Variants in CTIF observed in about 807,000 individuals in gnomAD.
CTIF encodes the protein CBP80/20-dependent translation initiation factor.
In CTIF, 21 loss-of-function variants were observed where a neutral mutation model predicts 66.0. The ratio of observed to expected loss-of-function variants is 0.32; its 90% confidence interval spans 0.23 to 0.46. The LOEUF (loss-of-function observed/expected upper bound fraction) is 0.46, where lower values mean the gene tolerates loss of function less well. CTIF is among the 20% of genes least tolerant of loss of function. The pLI, the probability that CTIF is intolerant of heterozygous loss-of-function variation, is 1.00. For synonymous variants in CTIF, 345 were observed against 326.4 expected (o/e 1.06, Z -0.62); for missense variants, 739 against 812.7 (o/e 0.91, Z 1.10).
chr18:48,580,794 G>C (rs1048105829), intron 1 of CTIF, among the ~76,000 whole-genome samples: 1 of 152,196 alleles, frequency 6.6e-6, no homozygotes, highest in Non-Finnish European at 1.5e-5. Context: ...CCGCCCTGCA[G>C]CTTGGTTTCC....
In CTIF at chr18:48,859,991, G is replaced by T. The variant is rs141179242; in HGVS notation, c.*432G>T. Reference sequence around the variant, plus strand: ...AAGGCTGAAAAAGTGGGTCGGAGACGGGCTCGCATTGTTCCCGCATGCTGT... The same window carrying T: ...AAGGCTGAAAAAGTGGGTCGGAGACTGGCTCGCATTGTTCCCGCATGCTGT... On this transcript the variant is annotated 3_prime_UTR_variant, in exon 12 of 12. Coordinates refer to ENST00000256413, the MANE Select transcript of CTIF (RefSeq NM_014772.3). 3,674 of 460,232 alleles carry T rather than the reference G, an allele frequency of 8.0e-3. 37 individuals carry two copies. Among genetic ancestry groups the T allele is most frequent in the African/African-American group, 0.034 (1,703 of 50,378 alleles). 28.5% of individuals were successfully genotyped at this position (460,232 alleles called of 1,614,324 possible).
intron 9 of CTIF, among the ~76,000 whole-genome samples, chr18:48,785,270 T>A (rs1488968810): frequency 6.6e-6 from 1 of 152,176 alleles, no homozygotes; most frequent in Admixed American, 6.5e-5. Context: ...TCTTAGAGGC[T>A]CCAAACCGAA....
chr18:48,541,659 A>G (rs921021872), intron 1 of CTIF, among the ~76,000 whole-genome samples: 2 of 152,200 alleles, frequency 1.3e-5, no homozygotes, highest in Non-Finnish European at 2.9e-5. Context: ...TTGACACAGG[A>G]TTCGATTTAC....
chr18:48,546,299 T>C (rs1340931565), intron 1 of CTIF, among the ~76,000 whole-genome samples: 1 of 152,178 alleles, frequency 6.6e-6, no homozygotes, highest in African/African-American at 2.4e-5. Flanking sequence ...CAATAGTGCC[T>C]GGCACATTGT....
chr18:48,771,310 A>C (rs189020359), intron 9 of CTIF, among the ~76,000 whole-genome samples: 2 of 152,308 alleles, frequency 1.3e-5, no homozygotes, highest in East Asian at 3.9e-4. Context: ...TCCCACCACC[A>C]TACTGGTACC....
At chr18:48,807,834 A>G (rs1447590390) in intron 9 of CTIF, among the ~76,000 whole-genome samples, 1 of 152,170 alleles carries the variant, frequency 6.6e-6, no homozygotes, top group African/African-American at 2.4e-5. Flanking sequence ...TGCCCATCTC[A>G]GCCTCCCAAA....
intron 1 of CTIF, among the ~76,000 whole-genome samples, chr18:48,583,738 G>T (rs1226445055): frequency 1.3e-5 from 2 of 152,198 alleles, no homozygotes; most frequent in African/African-American, 2.4e-5. Context: ...TCGACCAGTG[G>T]GAAGTTGAGC....
chr18:48,589,109 A>G (rs1053605649), intron 1 of CTIF, among the ~76,000 whole-genome samples: 10 of 152,196 alleles, frequency 6.6e-5, no homozygotes, highest in African/African-American at 2.4e-4. Flanking sequence ...GGTTTGTGGC[A>G]GGGACTCTCA....
chr18:48,783,064 C>G (rs190885280), intron 9 of CTIF, among the ~76,000 whole-genome samples: 4 of 152,252 alleles, frequency 2.6e-5, no homozygotes, highest in Non-Finnish European at 4.4e-5. Context: ...GGGTCCTAAC[C>G]TTTAGTGAAT....
intron 7 of CTIF, among the ~76,000 whole-genome samples, chr18:48,749,624 G>A (rs2145807840): frequency 6.6e-6 from 1 of 152,306 alleles, no homozygotes; most frequent in South Asian, 2.1e-4. Context: ...CACTAATATA[G>A]CACTTGTATC....
At chr18:48,852,026 G>A (rs2069213616) in intron 10 of CTIF, among the ~76,000 whole-genome samples, 1 of 151,988 alleles carries the variant, frequency 6.6e-6, no homozygotes, top group Non-Finnish European at 1.5e-5. Context: ...GAGCTCAGGA[G>A]TTCAAAACCA....
intron 2 of CTIF, 104 bp from the exon 3 acceptor site, chr18:48,636,510 A>C: frequency 1.3e-6 from 1 of 754,098 alleles, no homozygotes; most frequent in Non-Finnish European, 1.9e-6. Flanking sequence ...AGGATTCCAC[A>C]GTCATGCTAA....
At chr18:48,784,553 C>G (rs1465943940) in intron 9 of CTIF, among the ~76,000 whole-genome samples, 1 of 152,002 alleles carries the variant, frequency 6.6e-6, no homozygotes, top group Non-Finnish European at 1.5e-5. Context: ...GTGATGTCTC[C>G]TGGTTGGCAT....
chr18:48,859,222 G>A, intron 11 of CTIF, 122 bp from the exon 12 acceptor site: 1 of 797,544 alleles, frequency 1.3e-6, no homozygotes, highest in Non-Finnish European at 2.2e-6. Context: ...GTGGCACAGG[G>A]GTCTGGGCCT....
intron 1 of CTIF, among the ~76,000 whole-genome samples, 179 bp from the exon 2 acceptor site, chr18:48,619,359 G>A (rs2090451613): frequency 6.6e-6 from 1 of 152,228 alleles, no homozygotes. Context: ...GGGAATTACA[G>A]CACATAGTTT....
At position 48,728,995 on chromosome 18, in the gene CTIF, G is replaced by A. The variant is rs192212323; in HGVS notation, c.584+17300G>A. On this transcript the variant is annotated intron_variant, in intron 7 of 11. Transcript: ENST00000256413. ...TTTAAATGATCTAGTGAAACTCACCGGTAGCTTTGAATGGGTTGAGGGTTT... is the reference window on the plus strand; with the variant it reads ...TTTAAATGATCTAGTGAAACTCACCAGTAGCTTTGAATGGGTTGAGGGTTT... Among the ~76,000 whole-genome samples, 189 of 152,154 alleles carry A rather than the reference G, an allele frequency of 1.2e-3. 1 individual carries two copies. The highest frequency in any genetic ancestry group is 4.4e-3 in the African/African-American group (182 of 41,500).
chr18:48,810,685 T>C (rs907817769), intron 9 of CTIF, among the ~76,000 whole-genome samples: 78 of 151,934 alleles, frequency 5.1e-4, no homozygotes, highest in Non-Finnish European at 2.5e-4. Flanking sequence ...TTTCCTGATA[T>C]AATTCTTCCT....
intron 10 of CTIF, among the ~76,000 whole-genome samples, chr18:48,817,896 C>T (rs987629750): frequency 2.6e-5 from 4 of 152,226 alleles, no homozygotes; most frequent in African/African-American, 9.6e-5. Context: ...ACCCCCTTCC[C>T]CCGTGGGGTG....
chr18:48,803,964 G>C (rs1172064719), intron 9 of CTIF, among the ~76,000 whole-genome samples: 1 of 152,178 alleles, frequency 6.6e-6, no homozygotes, highest in Non-Finnish European at 1.5e-5. Flanking sequence ...GTTGCTGTTT[G>C]AGCCCTGGGG....
Sources: gnomAD v4.1 joint callset for allele counts (sites outside exome capture counted in the v4.1 genomes callset) on GRCh38, gnomAD v4.1.1 for gene constraint, MANE v1.5 for transcripts, NCBI Gene and HGNC (gene_info 2026-07-23, HGNC 2026-07-21) for gene names.